TXNDC15: variants seen among roughly 807,000 people sequenced by gnomAD.
The protein encoded by TXNDC15 is thioredoxin domain containing 15, also known as thioredoxin domain-containing protein 15.
TXNDC15 carries 24 observed loss-of-function variants against 35.0 expected under a neutral mutation model. The observed-to-expected ratio is 0.68, with a 90% CI of 0.50 to 0.96. The LOEUF (loss-of-function observed/expected upper bound fraction) is 0.96, where lower values mean the gene tolerates loss of function less well. Ranked by LOEUF, TXNDC15 falls within the 40% of genes least tolerant of loss-of-function variation. The pLI, the probability that TXNDC15 is intolerant of heterozygous loss-of-function variation, is 0.00. For synonymous variants in TXNDC15, 169 were observed against 174.0 expected, an observed-to-expected ratio of 0.97 and a Z score of 0.23; for missense variants, 385 against 453.3, an observed-to-expected ratio of 0.85 and a Z score of 1.37.
chr5:134,883,606 A>G (rs74737405), intron 1 of TXNDC15, among the ~76,000 whole-genome samples: 14 of 147,994 alleles, frequency 9.5e-5, no homozygotes, highest in East Asian at 5.9e-4. Flanking sequence ...AAAAAAAAAA[A>G]AAAAAGAAAA....
In TXNDC15 at chr5:134,887,826, A is replaced by G. The variant is rs1459468011; in HGVS notation, c.235A>G (p.Asn79Asp). 1 of 1,614,210 alleles carries G rather than the reference A, an allele frequency of 6.2e-7. No homozygotes were observed. Among genetic ancestry groups the G allele is most frequent in the South Asian group, 1.1e-5 (1 of 91,086 alleles). The change falls in exon 2 of 5, where the codon AAT becomes GAT. Residue 79 changes from asparagine to aspartate, a missense_variant. Coordinates refer to ENST00000358387, the MANE Select transcript of TXNDC15 (RefSeq NM_024715.4). ...CCAGGACAGGGCAGCAGAAGAGGCC[A>G]ATGCGGTGCTGGGGCTGGACACCCA... ...MGQDRAAEEA[N>D]AVLGLDTQGD... is the part of the protein sequence containing the mutation.
Position 134,886,336 on chromosome 5 carries a change from C to T in TXNDC15, c.104-1359C>T, listed in dbSNP as rs540505329. ...TGCTGTTGGCACGCAGAACTCATCA[C>T]CCAGCGGGTGGTTTCTTAACCACAT... On this transcript the variant is annotated intron_variant, in intron 1 of 4. Coordinates refer to ENST00000358387, the MANE Select transcript of TXNDC15 (RefSeq NM_024715.4). Among the ~76,000 whole-genome samples, 3 of 152,234 alleles carry T rather than the reference C, an allele frequency of 2.0e-5. No homozygotes were observed. In the East Asian group the frequency reaches 5.8e-4, roughly 29 times the overall value.
At position 134,899,701 on chromosome 5, in the gene TXNDC15, A is replaced by G. The variant is rs762095512; in HGVS notation, c.*16A>G. The G allele has an allele frequency of 4.5e-6, 7 of 1,549,874 alleles. No homozygotes were observed. Among genetic ancestry groups the G allele is most frequent in the East Asian group, 2.3e-5 (1 of 43,010 alleles). On this transcript the variant is annotated 3_prime_UTR_variant, in exon 5 of 5. Transcript: ENST00000358387. The stretch of plus-strand genomic sequence containing the variant: ...TGTGGAGTAGTGATGGTCTGAAAGA[A>G]GTTGGAAAGAGGAACTTCAATCCTT...
At chr5:134,891,027 A>T (rs1229821595) in intron 2 of TXNDC15, among the ~76,000 whole-genome samples, 1 of 152,188 alleles carries the variant, frequency 6.6e-6, no homozygotes, top group African/African-American at 2.4e-5. Flanking sequence ...TTCAGACTCC[A>T]CTTCTAATCC....
rs1393048786 is a variant in TXNDC15, at chr5:134,887,772, G to A, written c.181G>A (p.Glu61Lys). The A allele has an allele frequency of 6.2e-7, 1 of 1,614,072 alleles. No individual in the cohort carries two copies. Among genetic ancestry groups the A allele is most frequent in the South Asian group, 1.1e-5 (1 of 91,082 alleles). ...PLQVGAVYLG[E>K]EELLHDPMGQ... Reference sequence around the variant, plus strand: ...CCAGGTGGGGGCTGTGTACCTGGGTGAGGAGGAGCTCCTGCATGACCCGAT... The same window carrying A: ...CCAGGTGGGGGCTGTGTACCTGGGTAAGGAGGAGCTCCTGCATGACCCGAT... The change falls in exon 2 of 5, where the codon GAG becomes AAG. Residue 61 changes from glutamate to lysine, a missense_variant. Glu to Lys is a moderately conservative substitution (Grantham distance 56). Transcript: ENST00000358387.
Position 134,887,934 on chromosome 5 carries a change from G to C in TXNDC15, c.343G>C (p.Gly115Arg), listed in dbSNP as rs778770340. ...VSSEPSGVTC[G>R]AGGAEDSRCN... The stretch of plus-strand genomic sequence containing the variant: ...TTCAGAGCCTAGCGGCGTCACCTGT[G>C]GTGCTGGAGGAGCGGAGGACTCAAG... Residue 115 changes from glycine to arginine, a missense_variant, in exon 2 of 5, where the codon GGT becomes CGT. Physicochemically the swap from Gly to Arg is moderately radical, Grantham distance 125. Transcript: ENST00000358387. 1.3e-5 allele frequency: 21 copies of C among 1,614,112 alleles called. No homozygotes were observed. The highest frequency in any genetic ancestry group is 1.7e-5 in the Non-Finnish European group (20 of 1,180,054).
At position 134,874,414 on chromosome 5, in the gene TXNDC15, T is replaced by C. The variant is rs766354216; in HGVS notation, c.-14T>C. The C allele has an allele frequency of 6.9e-6, 11 of 1,589,738 alleles. No homozygotes were observed. In the South Asian group the frequency reaches 1.1e-4, roughly 16 times the overall value. Reference sequence around the variant, plus strand: ...CTCGCGTAGCCGTGCGCCGATTGCCTCTCGGCCTGGGCAATGGTCCCGGCT... The same window carrying C: ...CTCGCGTAGCCGTGCGCCGATTGCCCCTCGGCCTGGGCAATGGTCCCGGCT... On this transcript the variant is annotated 5_prime_UTR_variant, in exon 1 of 5. Coordinates refer to ENST00000358387, the MANE Select transcript of TXNDC15 (RefSeq NM_024715.4).
chr5:134,874,137 A>G, upstream of TXNDC15: 1 of 322,230 alleles, frequency 3.1e-6, no homozygotes. Context: ...GAGGGAAGAA[A>G]GGAGGCCATG....
chr5:134,896,894 C>T (rs143770080), intron 4 of TXNDC15, among the ~76,000 whole-genome samples: 1,609 of 152,022 alleles, frequency 0.011, 36 homozygotes, highest in African/African-American at 0.037. Context: ...CCACCCACCT[C>T]GGCCTCCCAA....
At chr5:134,897,367 C>G (rs1021559743) in intron 4 of TXNDC15, among the ~76,000 whole-genome samples, 1 of 151,976 alleles carries the variant, frequency 6.6e-6, no homozygotes, top group South Asian at 2.1e-4. Flanking sequence ...CCTGCCTCAG[C>G]CTTTCTAGTA....
intron 3 of TXNDC15, 59 bp from the exon 4 acceptor site, chr5:134,896,235 G>T: frequency 1.3e-6 from 2 of 1,561,256 alleles, no homozygotes; most frequent in Non-Finnish European, 1.7e-6. Context: ...GATGGTAATT[G>T]TATGAGAAAG....
At chr5:134,896,538 G>C in intron 4 of TXNDC15, 114 bp downstream of exon 4, 2 of 1,316,076 alleles carry the variant, frequency 1.5e-6, no homozygotes, top group Admixed American at 4.8e-5. Flanking sequence ...CTGACTTTGA[G>C]TTGTAAAACT....
chr5:134,881,775 C>A (rs1377264269), intron 1 of TXNDC15, among the ~76,000 whole-genome samples: 4 of 146,218 alleles, frequency 2.7e-5, no homozygotes, highest in Non-Finnish European at 4.5e-5. Flanking sequence ...CGGGCAGAGG[C>A]GCCCCTCACC....
intron 1 of TXNDC15, among the ~76,000 whole-genome samples, chr5:134,880,437 A>AT (rs1411681313): frequency 6.8e-6 from 1 of 148,060 alleles, no homozygotes; most frequent in African/African-American, 2.6e-5. Context: ...TATTTCACTT[A>AT]TTATTTTTTT....
Position 134,899,826 on chromosome 5 carries a change from AT to A in TXNDC15, c.*142del, listed in dbSNP as rs2150192174. 1.5e-6 allele frequency: 1 copy of A among 676,216 alleles called. No homozygotes were observed. The highest frequency in any genetic ancestry group is 2.8e-5 in the South Asian group (1 of 35,110). 41.9% of individuals were successfully genotyped at this position (676,216 alleles called of 1,614,324 possible). On this transcript the variant is annotated 3_prime_UTR_variant, in exon 5 of 5. Transcript: ENST00000358387. ...AAAGAATCATTTGTTGAACAACTGA[AT>A]GTATAAAAAAATTATAAACTGGTGT...
At chr5:134,885,774 C>T (rs911145050) in intron 1 of TXNDC15, among the ~76,000 whole-genome samples, 3 of 152,150 alleles carry the variant, frequency 2.0e-5, no homozygotes, top group Non-Finnish European at 2.9e-5. Flanking sequence ...CTTCATTTGT[C>T]GCCTGTTTCT....
chr5:134,882,010 G>T lies in TXNDC15; in HGVS notation c.104-5685G>T, dbSNP rs573931372. On this transcript the variant is annotated intron_variant, in intron 1 of 4. Coordinates refer to ENST00000358387, the MANE Select transcript of TXNDC15 (RefSeq NM_024715.4). ...TGGAGACGCTCCTCACTTCCCAGAC[G>T]GGGTGGCTGCCGGGCGGAGGGGCTC... 5.4e-3 allele frequency among the ~76,000 whole-genome samples: 817 copies of T among 151,632 alleles called. 5 individuals carry two copies. The highest frequency in any genetic ancestry group is 7.8e-3 in the Non-Finnish European group (528 of 67,786).
intron 2 of TXNDC15, among the ~76,000 whole-genome samples, chr5:134,889,738 C>T (rs149792001): frequency 6.6e-6 from 1 of 152,180 alleles, no homozygotes; most frequent in Non-Finnish European, 1.5e-5. Context: ...AAAGATACTA[C>T]AGGTTTGGTT....
At chr5:134,874,601 C>A in intron 1 of TXNDC15, 71 bp downstream of exon 1, 1 of 1,319,422 alleles carries the variant, frequency 7.6e-7, no homozygotes, top group Non-Finnish European at 1.0e-6. Flanking sequence ...ACGCTCTGGA[C>A]CTGCGCGAAG....
Sources: gnomAD v4.1 joint callset for allele counts (sites outside exome capture counted in the v4.1 genomes callset) on GRCh38, gnomAD v4.1.1 for gene constraint, MANE v1.5 for transcripts, NCBI Gene and HGNC (gene_info 2026-07-23, HGNC 2026-07-21) for gene names.